The following TRPV1 variants were observed in gnomAD, a reference collection of about 807,000 sequenced individuals.
TRPV1 encodes the protein OTRPC1.
A neutral mutation model predicts 82.3 loss-of-function variants in TRPV1; 82 were observed. The observed-to-expected ratio is 1.00, with a 90% confidence interval of 0.83 to 1.20. The LOEUF (loss-of-function observed/expected upper bound fraction) is 1.20, where lower values mean the gene tolerates loss of function less well. Among genes scored for constraint, TRPV1 ranks in the 50% most tolerant of loss-of-function variants. TRPV1 has a pLI of 0.00. For synonymous variants in TRPV1, 515 were observed against 467.7 expected (o/e 1.10, Z -1.30); for missense variants, 1,067 against 1,096.8 (o/e 0.97, Z 0.38).
rs558583055 is a variant in TRPV1, at chr17:3,567,914, A to G, written c.2348-927T>C. On this transcript the variant is annotated intron_variant, in intron 16 of 16. Transcript: ENST00000572705. ...TTTATAAATATCACAGTGAATGTGC[A>G]GTGTTGTAAACCGCCAACACTGTCA... Among the ~76,000 whole-genome samples the G allele has an allele frequency of 3.4e-4, 52 of 152,330 alleles. 2 individuals carry two copies. In the South Asian group the frequency reaches 9.7e-3, roughly 29 times the overall value.
At chr17:3,590,825 T>C (rs555939965) in intron 5 of TRPV1, 139 bp downstream of exon 5, 1 of 1,235,142 alleles carries the variant, frequency 8.1e-7, no homozygotes, top group East Asian at 2.6e-5. Context: ...AGGGACCCCC[T>C]AGGATTAGGA....
rs771519798 is a variant in TRPV1, at chr17:3,573,632, C to A, written c.2103+1G>T. 2.5e-6 allele frequency: 4 copies of A among 1,611,404 alleles called. No individual in the cohort carries two copies. Among genetic ancestry groups the A allele is most frequent in the Admixed American group, 3.4e-5 (2 of 59,676 alleles). On this transcript the variant is annotated splice_donor_variant, in intron 14 of 16. Coordinates refer to ENST00000572705, the MANE Select transcript of TRPV1 (RefSeq NM_080704.4). LOFTEE classifies it high-confidence loss of function. ...ACCACCCCCCAACTCCACCCACCCACCTGCAGCTTCCAGATGTTCTTGCTC... is the reference window on the plus strand; with the variant it reads ...ACCACCCCCCAACTCCACCCACCCAACTGCAGCTTCCAGATGTTCTTGCTC...
rs1013427215 is a variant in TRPV1 at position 3,590,912 on chromosome 17, T to G, written c.604+52A>C. The G allele has an allele frequency of 5.3e-6, 8 of 1,497,346 alleles. No individual in the cohort carries two copies. In the Admixed American group the frequency reaches 1.8e-4, roughly 33 times the overall value. The allele number at this position is 1,497,346 out of a possible 1,614,324, so 92.8% of individuals were successfully genotyped here. A position where few individuals can be genotyped will look rare whatever the true frequency, so the allele number is the denominator to read the frequency against. The stretch of plus-strand genomic sequence containing the variant: ...AGGCCCAGGGACAACCATGCCCCCC[T>G]GCTTCCCGGTGCTGCGGGCTGAGCC... On this transcript the variant is annotated intron_variant, in intron 5 of 16. Coordinates refer to ENST00000572705, the MANE Select transcript of TRPV1 (RefSeq NM_080704.4).
At chr17:3,569,829 C>T (rs1260357245) in intron 16 of TRPV1, among the ~76,000 whole-genome samples, 3 of 152,036 alleles carry the variant, frequency 2.0e-5, no homozygotes, top group Non-Finnish European at 4.4e-5. Context: ...CTGAGGCCCC[C>T]AGTACTACTC....
rs1264723102 is a variant in TRPV1 at position 3,588,332 on chromosome 17, C to T, written c.1080G>A (p.Glu360=). 6.4e-7 allele frequency: 1 copy of T among 1,563,908 alleles called. No individual in the cohort carries two copies. The highest frequency in any genetic ancestry group is 1.4e-5 in the African/African-American group (1 of 73,584). The change falls in exon 8 of 17, where the codon GAG becomes GAA. Residue 360 remains glutamate, a synonymous_variant. Coordinates refer to ENST00000572705, the MANE Select transcript of TRPV1 (RefSeq NM_080704.4). ...LAYILQREIQ[E]PECRHLSRKF... ...TCCTGGACAGGTGCCTGCACTCGGGCTCCTGGATCTCCCGCTGGAGAATAT... is the reference window on the plus strand; with the variant it reads ...TCCTGGACAGGTGCCTGCACTCGGGTTCCTGGATCTCCCGCTGGAGAATAT...
At position 3,566,725 on chromosome 17, in the gene TRPV1, C is replaced by T. The variant is rs201879191; in HGVS notation, c.*90G>A. On this transcript the variant is annotated 3_prime_UTR_variant, in exon 17 of 17. Coordinates refer to ENST00000572705, the MANE Select transcript of TRPV1 (RefSeq NM_080704.4). Reference sequence around the variant, plus strand: ...GGCAGGCACAGACCAGGCCAGGCTGCTGACAGAGCACTGGTGTTCCCTCAG... The same window carrying T: ...GGCAGGCACAGACCAGGCCAGGCTGTTGACAGAGCACTGGTGTTCCCTCAG... The T allele has an allele frequency of 6.7e-7, 1 of 1,496,290 alleles. No homozygotes were observed. The highest frequency in any genetic ancestry group is 9.0e-7 in the Non-Finnish European group (1 of 1,106,214). The allele number at this position is 1,496,290 out of a possible 1,614,324, so 92.7% of individuals were successfully genotyped here.
intron 6 of TRPV1, 73 bp from the exon 7 acceptor site, chr17:3,590,178 C>T (rs2075138978): frequency 1.3e-6 from 2 of 1,588,770 alleles, no homozygotes. Flanking sequence ...GGCCTCCAAA[C>T]TCCCTCTGTC....
Position 3,591,385 on chromosome 17 carries a change from C to T in TRPV1, c.285-32G>A, listed in dbSNP as rs1456435496. 2.0e-6 allele frequency: 3 copies of T among 1,536,488 alleles called. No homozygotes were observed. In the South Asian group the frequency reaches 3.8e-5, roughly 20 times the overall value. The stretch of plus-strand genomic sequence containing the variant: ...GCCAGAAAACACGCTCGTCTCATAC[C>T]CTGGCCTCCCCTCGGCCCTGAGGCC... On this transcript the variant is annotated intron_variant, in intron 3 of 16. Transcript: ENST00000572705.
chr17:3,596,443 C>T (rs73303325), intron 2 of TRPV1, among the ~76,000 whole-genome samples: 24,254 of 152,164 alleles, frequency 0.16, 6,281 homozygotes, highest in African/African-American at 0.55. Flanking sequence ...CAGTAGGCTG[C>T]GGGCTTCCCA....
chr17:3,571,441 G>T (rs936190833), intron 16 of TRPV1, 83 bp downstream of exon 16: 2 of 1,123,390 alleles, frequency 1.8e-6, no homozygotes, highest in African/African-American at 1.5e-5. Flanking sequence ...ACCCGGCAAG[G>T]CGTGGGGAAC....
At chr17:3,580,418 C>G in intron 11 of TRPV1, 39 bp downstream of exon 11, 1 of 1,611,642 alleles carries the variant, frequency 6.2e-7, no homozygotes. Context: ...TTGCGGTCAC[C>G]TGGGGACTGG....
At position 3,573,908 on chromosome 17, in the gene TRPV1, C is replaced by T. The variant is rs1406864487; in HGVS notation, c.1828G>A (p.Glu610Lys). The T allele has an allele frequency of 6.2e-7, 1 of 1,609,482 alleles. No homozygotes were observed. The highest frequency in any genetic ancestry group is 1.7e-5 in the Admixed American group (1 of 58,530). The change falls in exon 14 of 17, where the codon GAG becomes AAG. Residue 610 changes from glutamate (E) to lysine (K), a missense_variant. Coordinates refer to ENST00000572705, the MANE Select transcript of TRPV1 (RefSeq NM_080704.4). The stretch of plus-strand genomic sequence containing the variant: ...CCCCGCCACCTGTGCGACGTGGACT[C>T]AGACGGCAGGGAGTCATTCTTCCCG... ...EDGKNDSLPSESTSHRWRGPA... is the reference protein window; with the variant it reads ...EDGKNDSLPSKSTSHRWRGPA...
At chr17:3,569,354 AAGGCGG>A (rs1279473212) in intron 16 of TRPV1, among the ~76,000 whole-genome samples, 1 of 152,140 alleles carries the variant, frequency 6.6e-6, no homozygotes, top group Non-Finnish European at 1.5e-5. Flanking sequence ...TTGAACCCAG[AAGGCGG>A]AGGTTGCAGT....
chr17:3,596,131 TA>T (rs2075217421), intron 2 of TRPV1, among the ~76,000 whole-genome samples: 2 of 152,312 alleles, frequency 1.3e-5, no homozygotes, highest in African/African-American at 4.8e-5. Context: ...AGGACAATCC[TA>T]AAAGAATCGA....
intron 2 of TRPV1, among the ~76,000 whole-genome samples, chr17:3,597,672 C>T (rs1349957188): frequency 2.5e-5 from 3 of 117,894 alleles, no homozygotes; most frequent in African/African-American, 1.0e-4. Context: ...GTGTCATTTC[C>T]TTTTTTTTTT....
chr17:3,581,368 A>G (rs1026029184), intron 10 of TRPV1, among the ~76,000 whole-genome samples: 1 of 152,172 alleles, frequency 6.6e-6, no homozygotes, highest in African/African-American at 2.4e-5. Context: ...TGTCCAAGAC[A>G]CCACCACCCT....
At chr17:3,594,860 G>A (rs1021042984) in intron 2 of TRPV1, among the ~76,000 whole-genome samples, 1 of 152,190 alleles carries the variant, frequency 6.6e-6, no homozygotes, top group Admixed American at 6.5e-5. Context: ...CTGAGCCTGG[G>A]AAGGGAACAG....
At chr17:3,594,127 C>CAAAAAA (rs57620622) in intron 2 of TRPV1, among the ~76,000 whole-genome samples, 23 of 46,492 alleles carry the variant, frequency 4.9e-4, no homozygotes, top group African/African-American at 1.9e-3. Flanking sequence ...AACTCTGTCT[C>CAAAAAA]AAAAAAAAAA....
At chr17:3,570,574 A>G (rs1191810377) in intron 16 of TRPV1, among the ~76,000 whole-genome samples, 1 of 152,196 alleles carries the variant, frequency 6.6e-6, no homozygotes, top group Non-Finnish European at 1.5e-5. Flanking sequence ...ATAACTCAAA[A>G]TTTGTCCACT....
Sources: allele counts gnomAD v4.1 joint callset (sites outside exome capture counted in the v4.1 genomes callset), GRCh38; gene constraint gnomAD v4.1.1; transcripts MANE v1.5; gene names NCBI Gene and HGNC (gene_info 2026-07-23, HGNC 2026-07-21).